The following RNF11 variants were observed in gnomAD, a reference collection of about 807,000 sequenced individuals.
RNF11 encodes the protein ring finger protein 11.
Under a neutral mutation model 15.8 loss-of-function variants are expected in RNF11, and 4 were observed. The observed-to-expected ratio is 0.25, with a 90% CI of 0.12 to 0.58. The LOEUF (loss-of-function observed/expected upper bound fraction) is 0.58, where lower values mean the gene tolerates loss of function less well. Among genes scored for constraint, RNF11 ranks in the 20% least tolerant of loss-of-function variants. The pLI is 0.91. For missense variants in RNF11, 139 were observed against 194.4 expected (o/e 0.71, Z 1.70); for synonymous variants, 68 against 72.3 (o/e 0.94, Z 0.30).
At chr1:51,238,608 C>A (rs369377092) in intron 1 of RNF11, among the ~76,000 whole-genome samples, 2 of 152,194 alleles carry the variant, frequency 1.3e-5, no homozygotes, top group South Asian at 2.1e-4. Context: ...AGGGTAGTCT[C>A]TTAAAAATCA....
intron 1 of RNF11, among the ~76,000 whole-genome samples, chr1:51,251,630 C>T (rs757215624): frequency 6.6e-6 from 1 of 152,158 alleles, no homozygotes; most frequent in African/African-American, 2.4e-5. Flanking sequence ...AAAGCATTCA[C>T]ATCTATTATA....
At chr1:51,245,348 T>C (rs1368001774) in intron 1 of RNF11, among the ~76,000 whole-genome samples, 1 of 152,198 alleles carries the variant, frequency 6.6e-6, no homozygotes, top group East Asian at 1.9e-4. Flanking sequence ...AGACGGGGTC[T>C]CACTATATTG....
intron 1 of RNF11, among the ~76,000 whole-genome samples, chr1:51,244,568 A>G (rs551759303): frequency 1.8e-4 from 28 of 152,052 alleles, no homozygotes; most frequent in African/African-American, 5.8e-4. Context: ...TTGTATTTTT[A>G]GTAGGGACGG....
At chr1:51,260,079 T>C (rs1646923662) in intron 1 of RNF11, among the ~76,000 whole-genome samples, 1 of 152,224 alleles carries the variant, frequency 6.6e-6, no homozygotes, top group South Asian at 2.1e-4. Flanking sequence ...GTTAATTGGC[T>C]GAGGCCCATT....
Position 51,236,613 on chromosome 1 carries a change from C to T in RNF11, c.-144C>T. ...GCTGGCATGAGCGGCCCCTCGGCGG[C>T]ACCGTGGGGCGGTGGAGTCGCCTCC... On this transcript the variant is annotated 5_prime_UTR_variant, in exon 1 of 3. Transcript: ENST00000242719. 2.7e-6 allele frequency: 3 copies of T among 1,092,822 alleles called. No individual in the cohort carries two copies. Among genetic ancestry groups the T allele is most frequent in the East Asian group, 5.8e-5 (2 of 34,198 alleles). The allele number at this position is 1,092,822 out of a possible 1,614,324, so 67.7% of individuals were successfully genotyped here. A position where few individuals can be genotyped will look rare whatever the true frequency, so the allele number is the denominator to read the frequency against.
rs576446026 is a variant in RNF11 at position 51,238,643 on chromosome 1, A to G, written c.123+1764A>G. 2.5e-4 allele frequency among the ~76,000 whole-genome samples: 38 copies of G among 152,296 alleles called. 1 individual carries two copies. Among genetic ancestry groups the G allele is most frequent in the African/African-American group, 8.4e-4 (35 of 41,560 alleles). On this transcript the variant is annotated intron_variant, in intron 1 of 2. Transcript: ENST00000242719. ...AAAGCTGAATCTGGGTGTCTTTACA[A>G]GTACCTTTGAGTGAAGCAAGCAAGC...
At chr1:51,248,051 G>A (rs1646860165) in intron 1 of RNF11, among the ~76,000 whole-genome samples, 2 of 150,718 alleles carry the variant, frequency 1.3e-5, no homozygotes, top group South Asian at 4.2e-4. Context: ...ATTGAGTAGC[G>A]AGGCCTTAAG....
intron 1 of RNF11, among the ~76,000 whole-genome samples, chr1:51,246,636 T>C (rs1646852754): frequency 6.6e-6 from 1 of 152,142 alleles, no homozygotes; most frequent in African/African-American, 2.4e-5. Flanking sequence ...GCGGGAGGAT[T>C]GCTTGCATCC....
At chr1:51,251,403 C>T (rs1453212080) in intron 1 of RNF11, 7 of 1,344,526 alleles carry the variant, frequency 5.2e-6, no homozygotes, top group East Asian at 5.0e-5. Context: ...GAAACCTCCG[C>T]GGAAGCCACC....
At chr1:51,252,420 G>T (rs1357262150) in intron 1 of RNF11, among the ~76,000 whole-genome samples, 6 of 152,076 alleles carry the variant, frequency 3.9e-5, no homozygotes, top group Non-Finnish European at 8.8e-5. Context: ...TTCGAGACCA[G>T]CCTGGGCAAC....
chr1:51,248,164 C>T (rs1477168999), intron 1 of RNF11, among the ~76,000 whole-genome samples: 7 of 141,734 alleles, frequency 4.9e-5, no homozygotes, highest in African/African-American at 1.1e-4. Context: ...TGCAGTGTCA[C>T]GAGAAAATAC....
intron 1 of RNF11, among the ~76,000 whole-genome samples, chr1:51,267,223 A>G (rs1418746113): frequency 2.0e-5 from 3 of 152,188 alleles, no homozygotes; most frequent in African/African-American, 7.2e-5. Context: ...GTCCATATTT[A>G]GGCCCTGAAA....
At chr1:51,253,687 A>G (rs909283087) in intron 1 of RNF11, among the ~76,000 whole-genome samples, 2 of 152,214 alleles carry the variant, frequency 1.3e-5, no homozygotes, top group African/African-American at 2.4e-5. Flanking sequence ...ATACACTGCC[A>G]TAAATTTTAT....
intron 1 of RNF11, among the ~76,000 whole-genome samples, chr1:51,242,265 A>G (rs927455615): frequency 1.3e-5 from 2 of 152,080 alleles, no homozygotes; most frequent in Non-Finnish European, 2.9e-5. Context: ...TTGACAAATA[A>G]GAAAATGTAA....
intron 1 of RNF11, among the ~76,000 whole-genome samples, chr1:51,239,301 G>T (rs539758395): frequency 6.6e-6 from 1 of 152,292 alleles, no homozygotes; most frequent in Admixed American, 6.5e-5. Flanking sequence ...TGAGGGATGA[G>T]GGGTTTTTGG....
intron 2 of RNF11, 64 bp from the exon 3 acceptor site, chr1:51,271,087 A>G (rs1223643725): frequency 4.0e-5 from 55 of 1,361,458 alleles, no homozygotes; most frequent in Non-Finnish European, 5.4e-5. Flanking sequence ...ATGGGATTTA[A>G]AGAGTTTTCT....
intron 1 of RNF11, among the ~76,000 whole-genome samples, chr1:51,246,423 A>G (rs941569953): frequency 6.6e-6 from 1 of 151,944 alleles, no homozygotes; most frequent in Non-Finnish European, 1.5e-5. Context: ...AAAAAATAAA[A>G]AATTAGTCAG....
intron 1 of RNF11, among the ~76,000 whole-genome samples, chr1:51,242,193 T>C (rs1646832184): frequency 6.6e-6 from 1 of 152,214 alleles, no homozygotes; most frequent in African/African-American, 2.4e-5. Flanking sequence ...ATTCTGGCTC[T>C]GCCGCTTACA....
chr1:51,243,003 C>G (rs1646837071), intron 1 of RNF11, among the ~76,000 whole-genome samples: 1 of 152,200 alleles, frequency 6.6e-6, no homozygotes, highest in South Asian at 2.1e-4. Flanking sequence ...AGGGGCAGAT[C>G]AACTAACTCC....
Sources: allele counts gnomAD v4.1 joint callset (sites outside exome capture counted in the v4.1 genomes callset), GRCh38; gene constraint gnomAD v4.1.1; transcripts MANE v1.5; gene names NCBI Gene and HGNC (gene_info 2026-07-23, HGNC 2026-07-21).